Variants in NUDT3 observed in about 807,000 individuals in gnomAD.
The protein encoded by NUDT3 is nudix hydrolase 3.
Under a neutral mutation model 23.6 loss-of-function variants are expected in NUDT3, and 9 were observed. The ratio of observed to expected loss-of-function variants is 0.38; its 90% CI spans 0.23 to 0.66. The LOEUF (loss-of-function observed/expected upper bound fraction) is 0.66. NUDT3 is among the 30% of genes least tolerant of loss of function. The pLI is 0.52. For synonymous variants in NUDT3, 86 were observed against 82.6 expected (o/e 1.04, Z -0.22); for missense variants, 172 against 218.5 (o/e 0.79, Z 1.34).
intron 2 of NUDT3, among the ~76,000 whole-genome samples, chr6:34,324,706 T>C (rs990218815): frequency 1.3e-5 from 2 of 152,330 alleles, no homozygotes; most frequent in African/African-American, 2.4e-5. Context: ...ATATAGTCAA[T>C]AGTATCTACC....
chr6:34,363,122 G>A (rs1764674802), intron 1 of NUDT3, among the ~76,000 whole-genome samples: 1 of 152,210 alleles, frequency 6.6e-6, no homozygotes, highest in African/African-American at 2.4e-5. Context: ...CTGCCAGGAC[G>A]TGGTTTTCCC....
intron 2 of NUDT3, among the ~76,000 whole-genome samples, chr6:34,296,471 G>T (rs989329381): frequency 1.3e-5 from 2 of 151,894 alleles, no homozygotes; most frequent in Admixed American, 1.3e-4. Context: ...CTACTCGGGA[G>T]GCTGAGGTGG....
chr6:34,331,756 A>T (rs1265902462), intron 2 of NUDT3, among the ~76,000 whole-genome samples: 2 of 152,244 alleles, frequency 1.3e-5, no homozygotes, highest in African/African-American at 4.8e-5. Context: ...CTGAACACGT[A>T]CCGACTTTGT....
chr6:34,380,177 G>A lies in NUDT3; in HGVS notation c.99+12087C>T, dbSNP rs138072425. ...CGGCTCACTGCAACTTCCACCTCCC[G>A]AGTAGCTGGGATTACAGGCGCCTGC... On this transcript the variant is annotated intron_variant, in intron 1 of 4. Coordinates refer to ENST00000607016, the MANE Select transcript of NUDT3 (RefSeq NM_006703.4). Among the ~76,000 whole-genome samples, 622 of 151,838 alleles carry A rather than the reference G, an allele frequency of 4.1e-3. 7 individuals are homozygous for A. The highest frequency in any genetic ancestry group is 0.013 in the African/African-American group (547 of 41,408).
At chr6:34,313,036 G>A (rs543778119) in intron 2 of NUDT3, among the ~76,000 whole-genome samples, 20 of 152,080 alleles carry the variant, frequency 1.3e-4, no homozygotes, top group East Asian at 1.9e-4. Flanking sequence ...GCATGGTGGC[G>A]CACGACTACA....
At chr6:34,351,224 A>AAAAAAAAAAAAAAAAAC (rs1374203552) in intron 1 of NUDT3, among the ~76,000 whole-genome samples, 7 of 136,252 alleles carry the variant, frequency 5.1e-5, no homozygotes, top group Non-Finnish European at 7.8e-5. Context: ...AAAAAAAAAA[A>AAAAAAAAAAAAAAAAAC]AACACTTTGG....
rs146945663 is a variant in NUDT3 at position 34,391,071 on chromosome 6, CACTA to C, written c.99+1189_99+1192del. Among the ~76,000 whole-genome samples the C allele has an allele frequency of 6.9e-3, 1,043 of 152,258 alleles. 9 individuals are homozygous for C. The highest frequency in any genetic ancestry group is 0.022 in the African/African-American group (904 of 41,558). On this transcript the variant is annotated intron_variant, in intron 1 of 4. Transcript: ENST00000607016. ...CATGGGATCCCTTAACAACACAATTCACTAACTAATTTTCTTCAGGCAGTAATTC... is the reference window on the plus strand; with the variant it reads ...CATGGGATCCCTTAACAACACAATTCACTAATTTTCTTCAGGCAGTAATTC...
chr6:34,327,697 T>TCC (rs1764063221), intron 2 of NUDT3, among the ~76,000 whole-genome samples: 1 of 152,130 alleles, frequency 6.6e-6, no homozygotes, highest in Non-Finnish European at 1.5e-5. Flanking sequence ...GGTTTAAGCT[T>TCC]CCAGATGACT....
chr6:34,338,969 C>A (rs1007784440), intron 2 of NUDT3, among the ~76,000 whole-genome samples: 11 of 152,166 alleles, frequency 7.2e-5, no homozygotes, highest in Admixed American at 6.6e-4. Context: ...TCAAGAAACA[C>A]AGGCCAAGGT....
intron 1 of NUDT3, among the ~76,000 whole-genome samples, chr6:34,362,239 C>T (rs1764661827): frequency 6.6e-6 from 1 of 152,210 alleles, no homozygotes; most frequent in Non-Finnish European, 1.5e-5. Context: ...AGACAAAGGT[C>T]CTGCTCTGTA....
At chr6:34,292,069 T>C (rs1040149829) in intron 4 of NUDT3, among the ~76,000 whole-genome samples, 1 of 152,114 alleles carries the variant, frequency 6.6e-6, no homozygotes, top group Non-Finnish European at 1.5e-5. Flanking sequence ...CTAAAAAAAT[T>C]AGTATCACAA....
chr6:34,306,529 T>G (rs1370210711), intron 2 of NUDT3, among the ~76,000 whole-genome samples: 1 of 152,252 alleles, frequency 6.6e-6, no homozygotes, highest in Non-Finnish European at 1.5e-5. Context: ...CTAAAAATCC[T>G]TTCCTGGAAT....
chr6:34,301,331 A>G (rs773337140), intron 2 of NUDT3, among the ~76,000 whole-genome samples: 15 of 152,202 alleles, frequency 9.9e-5, no homozygotes, highest in Admixed American at 3.9e-4. Flanking sequence ...CTACATCCAT[A>G]TCCTTTGACA....
chr6:34,320,682 G>T lies in NUDT3; in HGVS notation c.210+21180C>A, dbSNP rs552025070. On this transcript the variant is annotated intron_variant, in intron 2 of 4. Transcript: ENST00000607016. ...AACCCCATTTCTACAAAAAATACAA[G>T]AAAATTAGCCAGGCGTGGTGGCATG... is the stretch of plus-strand genomic sequence containing the variant. Among the ~76,000 whole-genome samples the T allele has an allele frequency of 2.0e-5, 3 of 152,022 alleles. No individual in the cohort carries two copies. In the South Asian group the frequency reaches 6.2e-4, roughly 32 times the overall value.
At chr6:34,356,099 T>A (rs1026694481) in intron 1 of NUDT3, among the ~76,000 whole-genome samples, 15 of 152,182 alleles carry the variant, frequency 9.9e-5, no homozygotes, top group African/African-American at 3.6e-4. Flanking sequence ...GTGTCTGTGA[T>A]ACTGGACATC....
intron 2 of NUDT3, among the ~76,000 whole-genome samples, chr6:34,328,909 T>C (rs1764083576): frequency 6.6e-6 from 1 of 152,174 alleles, no homozygotes; most frequent in Non-Finnish European, 1.5e-5. Flanking sequence ...ATAAATCCTA[T>C]GATAGCCTAC....
At chr6:34,346,942 T>G (rs1194412957) in intron 1 of NUDT3, among the ~76,000 whole-genome samples, 1 of 152,096 alleles carries the variant, frequency 6.6e-6, no homozygotes, top group Non-Finnish European at 1.5e-5. Flanking sequence ...TTTTTAAACT[T>G]CATTTTTTAG....
intron 1 of NUDT3, among the ~76,000 whole-genome samples, chr6:34,390,816 T>A (rs1300330121): frequency 1.3e-5 from 2 of 152,208 alleles, no homozygotes; most frequent in South Asian, 2.1e-4. Context: ...TCCCATCTGA[T>A]TTCCCATAAC....
intron 1 of NUDT3, among the ~76,000 whole-genome samples, chr6:34,363,548 G>A (rs1764680557): frequency 1.3e-5 from 2 of 152,300 alleles, no homozygotes; most frequent in South Asian, 4.1e-4. Flanking sequence ...AGATTAGAGA[G>A]TCTTGGCAGT....
Sources: allele counts gnomAD v4.1 joint callset (sites outside exome capture counted in the v4.1 genomes callset), GRCh38; gene constraint gnomAD v4.1.1; transcripts MANE v1.5; gene names NCBI Gene and HGNC (gene_info 2026-07-23, HGNC 2026-07-21).